KCNIP4: variants seen among roughly 807,000 people sequenced by gnomAD.
KCNIP4 encodes the protein potassium voltage-gated channel interacting protein 4.
Under a neutral mutation model 34.0 loss-of-function variants are expected in KCNIP4, and 12 were observed. That is an observed-to-expected ratio of 0.35 (90% CI 0.23 to 0.57). The LOEUF (loss-of-function observed/expected upper bound fraction) is 0.57. KCNIP4 is among the 20% of genes least tolerant of loss of function. The pLI is 0.83. For synonymous variants in KCNIP4, 124 were observed against 102.2 expected, an observed-to-expected ratio of 1.21 and a Z score of -1.29; for missense variants, 238 against 311.7, an observed-to-expected ratio of 0.76 and a Z score of 1.78.
chr4:21,528,915 T>C (rs1248720286), intron 1 of KCNIP4, among the ~76,000 whole-genome samples: 1 of 152,034 alleles, frequency 6.6e-6, no homozygotes, highest in Admixed American at 6.5e-5. Flanking sequence ...ACAGCTAAGC[T>C]GCAAGTTCTT....
At chr4:20,992,894 G>T (rs776839397) in intron 1 of KCNIP4, among the ~76,000 whole-genome samples, 1 of 151,792 alleles carries the variant, frequency 6.6e-6, no homozygotes, top group Non-Finnish European at 1.5e-5. Flanking sequence ...CGGGCGCGGC[G>T]GTGGGCACCT....
chr4:21,542,784 A>G (rs1439300797), intron 1 of KCNIP4, among the ~76,000 whole-genome samples: 1 of 151,424 alleles, frequency 6.6e-6, no homozygotes, highest in Non-Finnish European at 1.5e-5. Flanking sequence ...AGTAATGAAG[A>G]AGCTCTTGGA....
chr4:21,464,392 T>A (rs142493984), intron 1 of KCNIP4, among the ~76,000 whole-genome samples: 1 of 152,036 alleles, frequency 6.6e-6, no homozygotes, highest in Non-Finnish European at 1.5e-5. Flanking sequence ...TCGTATGTTT[T>A]ATCTTCATTT....
chr4:20,843,554 AC>A (rs1720006069), intron 3 of KCNIP4, among the ~76,000 whole-genome samples: 1 of 151,870 alleles, frequency 6.6e-6, no homozygotes, highest in African/African-American at 2.4e-5. Flanking sequence ...ACATGGTGAA[AC>A]CCCGTCTCTA....
chr4:21,394,121 T>G (rs1413919127), intron 1 of KCNIP4, among the ~76,000 whole-genome samples: 1 of 152,222 alleles, frequency 6.6e-6, no homozygotes, highest in Non-Finnish European at 1.5e-5. Flanking sequence ...ATAGAATGTT[T>G]CAGATTCTTT....
At chr4:21,007,549 C>T (rs576431597) in intron 1 of KCNIP4, among the ~76,000 whole-genome samples, 2 of 152,246 alleles carry the variant, frequency 1.3e-5, no homozygotes, top group Admixed American at 6.5e-5. Flanking sequence ...ACTCTGCCCC[C>T]GACCCACCCA....
chr4:21,300,765 A>G (rs543410772), intron 1 of KCNIP4, among the ~76,000 whole-genome samples: 101 of 152,278 alleles, frequency 6.6e-4, no homozygotes, highest in African/African-American at 2.4e-3. Context: ...ATTATACTGT[A>G]TATCAATTCC....
intron 1 of KCNIP4, among the ~76,000 whole-genome samples, chr4:21,539,358 G>A (rs1014462425): frequency 6.6e-6 from 1 of 152,136 alleles, no homozygotes; most frequent in Non-Finnish European, 1.5e-5. Flanking sequence ...ACCTCCTTTT[G>A]TAAGAGTGAG....
chr4:21,630,463 A>C (rs948020426), intron 1 of KCNIP4, among the ~76,000 whole-genome samples: 2 of 152,006 alleles, frequency 1.3e-5, no homozygotes. Context: ...ATCAAAAAAA[A>C]AAAAAAGAAA....
chr4:21,544,293 C>A (rs1032094346), intron 1 of KCNIP4: 2 of 151,934 alleles, frequency 1.3e-5, no homozygotes, highest in South Asian at 2.1e-4. Context: ...CAAACACATA[C>A]ATAAAAAATT....
At chr4:21,770,830 A>G (rs1030828912) in intron 1 of KCNIP4, among the ~76,000 whole-genome samples, 1 of 152,116 alleles carries the variant, frequency 6.6e-6, no homozygotes, top group Admixed American at 6.6e-5. Context: ...TTACTCATAA[A>G]TTCTGGATAT....
intron 1 of KCNIP4, among the ~76,000 whole-genome samples, chr4:21,699,451 C>T (rs1475655383): frequency 6.6e-6 from 1 of 151,988 alleles, no homozygotes; most frequent in Non-Finnish European, 1.5e-5. Flanking sequence ...TGCTGTTGAA[C>T]CAGGAGAGAA....
chr4:21,413,977 T>C lies in KCNIP4; in HGVS notation c.62-531268A>G, dbSNP rs1200686716. 2.6e-5 allele frequency among the ~76,000 whole-genome samples: 4 copies of C among 152,220 alleles called. No homozygotes were observed. In the East Asian group the frequency reaches 7.7e-4, roughly 29 times the overall value. ...AATAGACCATTTTTATGTCCATTCA[T>C]TTATTTACTCAGCAAATATTTATCC... On this transcript the variant is annotated intron_variant, in intron 1 of 8. Coordinates refer to ENST00000382152, the MANE Select transcript of KCNIP4 (RefSeq NM_025221.6).
intron 3 of KCNIP4, among the ~76,000 whole-genome samples, chr4:20,809,619 G>A (rs549880947): frequency 5.3e-5 from 8 of 152,260 alleles, no homozygotes; most frequent in East Asian, 1.9e-4. Flanking sequence ...CATCAACTGC[G>A]TTATCAGGAT....
intron 1 of KCNIP4, among the ~76,000 whole-genome samples, chr4:21,467,102 A>G (rs1406247313): frequency 9.8e-5 from 14 of 143,040 alleles, no homozygotes; most frequent in African/African-American, 2.3e-4. Flanking sequence ...ACACACACAC[A>G]CACACACACA....
At chr4:21,619,017 C>T (rs1744817998) in intron 1 of KCNIP4, among the ~76,000 whole-genome samples, 1 of 151,972 alleles carries the variant, frequency 6.6e-6, no homozygotes, top group Non-Finnish European at 1.5e-5. Flanking sequence ...GATCCCAGGA[C>T]CTCATTTCAT....
chr4:21,754,247 A>G (rs575877959), intron 1 of KCNIP4, among the ~76,000 whole-genome samples: 1 of 152,118 alleles, frequency 6.6e-6, no homozygotes, highest in South Asian at 2.1e-4. Flanking sequence ...AAAAATATCC[A>G]TCTCCAACTA....
chr4:21,326,286 AT>A (rs1333521559), intron 1 of KCNIP4, among the ~76,000 whole-genome samples: 1 of 116,106 alleles, frequency 8.6e-6, no homozygotes, highest in Non-Finnish European at 1.8e-5. Flanking sequence ...AGAGTTGGAT[AT>A]ACATATATAT....
chr4:21,548,396 G>A (rs1163508517), intron 1 of KCNIP4, among the ~76,000 whole-genome samples: 1 of 152,086 alleles, frequency 6.6e-6, no homozygotes, highest in African/African-American at 2.4e-5. Context: ...GGACCACTGG[G>A]ATGGGAAGAA....
Sources: gnomAD v4.1 joint callset for allele counts (sites outside exome capture counted in the v4.1 genomes callset) on GRCh38, gnomAD v4.1.1 for gene constraint, MANE v1.5 for transcripts, NCBI Gene and HGNC (gene_info 2026-07-23, HGNC 2026-07-21) for gene names.